CCDC144A: variants seen among roughly 807,000 people sequenced by gnomAD.
CCDC144A encodes coiled-coil domain-containing protein 144A.
Under a neutral mutation model 143.8 loss-of-function variants are expected in CCDC144A, and 41 were observed. That is an observed-to-expected ratio of 0.29 (90% CI 0.22 to 0.37). The LOEUF (loss-of-function observed/expected upper bound fraction) is 0.37, where lower values mean the gene tolerates loss of function less well. Among genes scored for constraint, CCDC144A ranks in the 10% least tolerant of loss-of-function variants. The pLI, the probability that CCDC144A is intolerant of heterozygous loss-of-function variation, is 1.00. For missense variants in CCDC144A, 637 were observed against 1,488.8 expected, an observed-to-expected ratio of 0.43 and a Z score of 9.41; for synonymous variants, 242 against 517.9, an observed-to-expected ratio of 0.47 and a Z score of 7.23.
At chr17:16,752,063 C>A (rs1164152830) in intron 12 of CCDC144A, among the ~76,000 whole-genome samples, 1 of 152,204 alleles carries the variant, frequency 6.6e-6, no homozygotes, top group Admixed American at 6.5e-5. Flanking sequence ...GGGTCCCCAA[C>A]CTCCAGGTGG....
At chr17:16,764,482 A>G in intron 15 of CCDC144A, 1 of 363,034 alleles carries the variant, frequency 2.8e-6, no homozygotes, top group South Asian at 2.8e-5. Flanking sequence ...TTGTCTTACT[A>G]ATTGATTTTA....
At chr17:16,688,474 T>C (rs1910861180), upstream of CCDC144A, among the ~76,000 whole-genome samples, 1 of 146,164 alleles carries the variant, frequency 6.8e-6, no homozygotes, top group Non-Finnish European at 1.5e-5. Context: ...GATACTTTTT[T>C]TCTTTTTCTG....
chr17:16,773,796 T>G lies in CCDC144A; in HGVS notation c.*163T>G. ...GTTTCTTGGCCTCTTCAGCTAACTT[T>G]TAAGTGGATTTTGCAAATGAAAACC... On this transcript the variant is annotated 3_prime_UTR_variant, in exon 17 of 17. Coordinates refer to ENST00000399273, the MANE Select transcript of CCDC144A (RefSeq NM_001382000.1). 1.4e-6 allele frequency: 1 copy of G among 726,834 alleles called. No homozygotes were observed. The highest frequency in any genetic ancestry group is 1.9e-5 in the African/African-American group (1 of 52,354). The allele number at this position is 726,834 out of a possible 1,614,324, so 45.0% of individuals were successfully genotyped here. A position where few individuals can be genotyped will look rare whatever the true frequency, so the allele number is the denominator to read the frequency against.
chr17:16,674,691 G>A, the CCDC144A span, among the ~76,000 whole-genome samples: 2 of 151,988 alleles, frequency 1.3e-5, no homozygotes, highest in Non-Finnish European at 2.9e-5. Flanking sequence ...ATAAACCACA[G>A]AACCAAAACA....
At chr17:16,753,215 G>GTT (rs1914880955) in intron 12 of CCDC144A, among the ~76,000 whole-genome samples, 1 of 147,524 alleles carries the variant, frequency 6.8e-6, no homozygotes, top group African/African-American at 2.5e-5. Context: ...TGATATTTTG[G>GTT]TTTCTCTCTC....
intron 2 of CCDC144A, among the ~76,000 whole-genome samples, chr17:16,693,326 G>GTT (rs369849541): frequency 0.011 from 1,641 of 144,162 alleles, 27 homozygotes; most frequent in African/African-American, 0.038. Flanking sequence ...GTTTTTTTTT[G>GTT]TTTTTTTTTT....
intron 12 of CCDC144A, chr17:16,745,953 C>G: frequency 6.2e-7 from 1 of 1,606,252 alleles, no homozygotes. Flanking sequence ...GTGGTGAGCT[C>G]TGTGCCTCCT....
At chr17:16,711,562 G>T in intron 5 of CCDC144A, 117 bp from the exon 6 acceptor site, 2 of 1,507,462 alleles carry the variant, frequency 1.3e-6, no homozygotes, top group Non-Finnish European at 9.0e-7. Flanking sequence ...ATATTTTAAT[G>T]ACTGAAATTA....
At position 16,722,194 on chromosome 17, in the gene CCDC144A, A is replaced by G. The variant is rs552175002; in HGVS notation, c.1891+1536A>G. On this transcript the variant is annotated intron_variant, in intron 8 of 16. Transcript: ENST00000399273. ...TTATCAAATGCCTCTATCTACTGAGATGATCATATGGTTCTTTTAGTTTTT... is the reference window on the plus strand; with the variant it reads ...TTATCAAATGCCTCTATCTACTGAGGTGATCATATGGTTCTTTTAGTTTTT... Among the ~76,000 whole-genome samples, 156 of 152,120 alleles carry G rather than the reference A, an allele frequency of 1.0e-3. 1 individual carries two copies. Among genetic ancestry groups the G allele is most frequent in the African/African-American group, 3.7e-3 (155 of 41,474 alleles).
At chr17:16,729,876 A>C (rs1913639735) in intron 9 of CCDC144A, among the ~76,000 whole-genome samples, 1 of 146,736 alleles carries the variant, frequency 6.8e-6, no homozygotes, top group Admixed American at 6.8e-5. Context: ...AAATATATAT[A>C]TATATATGAA....
rs11335262 is a variant in CCDC144A at position 16,734,141 on chromosome 17, G to GA, written c.2419-532dup. ...AGTGATGGAGTGGAGACCCTATCTC[G>GA]AAAAAAAAAAAAAAAAAGCCTAATA... is the stretch of plus-strand genomic sequence containing the variant. On this transcript the variant is annotated intron_variant, in intron 11 of 16. Transcript: ENST00000399273. Among the ~76,000 whole-genome samples, 632 of 90,168 alleles carry GA rather than the reference G, an allele frequency of 7.0e-3. 2 individuals carry two copies. Among genetic ancestry groups the GA allele is most frequent in the African/African-American group, 0.014 (381 of 26,652 alleles). The allele number at this position is 90,168 out of a possible 152,430, so 59.2% of individuals were successfully genotyped here.
At chr17:16,769,758 ACTAT>A (rs1389553709) in intron 15 of CCDC144A, among the ~76,000 whole-genome samples, 1 of 150,952 alleles carries the variant, frequency 6.6e-6, no homozygotes, top group Non-Finnish European at 1.5e-5. Context: ...TTGGAGAGCT[ACTAT>A]TTTTTGTCTC....
At chr17:16,745,706 C>T in intron 12 of CCDC144A, 1 of 1,614,074 alleles carries the variant, frequency 6.2e-7, no homozygotes, top group African/African-American at 1.3e-5. Context: ...TTCCGCCACA[C>T]TCTCGCGCTC....
intron 2 of CCDC144A, among the ~76,000 whole-genome samples, chr17:16,695,008 T>C (rs1378215804): frequency 2.6e-5 from 4 of 152,238 alleles, no homozygotes; most frequent in African/African-American, 4.8e-5. Flanking sequence ...GCCTAATGCA[T>C]TGGACAATCT....
Position 16,690,707 on chromosome 17 carries a change from G to A in CCDC144A, c.307G>A (p.Gly103Arg), listed in dbSNP as rs763859089. 49 of 1,612,736 alleles carry A rather than the reference G, an allele frequency of 3.0e-5. 1 individual carries two copies. Among genetic ancestry groups the A allele is most frequent in the Non-Finnish European group, 4.1e-5 (48 of 1,179,038 alleles). ...VPGVEHILAP[G>R]DTGVDKRDRK... ...TGGGGTGGAGCACATCTTAGCTCCT[G>A]GAGACACTGGCGTGGACAAGAGGGA... The change falls in exon 1 of 17, where the codon GGA becomes AGA. Residue 103 changes from glycine to arginine, a missense_variant. Coordinates refer to ENST00000399273, the MANE Select transcript of CCDC144A (RefSeq NM_001382000.1).
At chr17:16,705,660 T>C (rs1912007924) in intron 3 of CCDC144A, 2 of 429,230 alleles carry the variant, frequency 4.7e-6, no homozygotes, top group Admixed American at 7.2e-5. Context: ...TAAGTATGTT[T>C]AGGGACTAAC....
the CCDC144A span, among the ~76,000 whole-genome samples, chr17:16,680,485 T>A: frequency 1.3e-5 from 2 of 151,062 alleles, no homozygotes; most frequent in Non-Finnish European, 3.0e-5. Flanking sequence ...TTAAAAAAAA[T>A]TTAAGTGAGT....
At chr17:16,744,179 T>C (rs1468139976) in intron 12 of CCDC144A, among the ~76,000 whole-genome samples, 3 of 152,212 alleles carry the variant, frequency 2.0e-5, no homozygotes, top group Non-Finnish European at 1.5e-5. Flanking sequence ...AATGATTTTT[T>C]GGTGGTGAGA....
At chr17:16,707,348 C>G (rs1445805493) in intron 3 of CCDC144A, 121 bp from the exon 4 acceptor site, 5 of 606,672 alleles carry the variant, frequency 8.2e-6, no homozygotes, top group Non-Finnish European at 1.4e-5. Flanking sequence ...AAAGATCAAG[C>G]TTCATTTAAA....
Sources: gnomAD v4.1 joint callset for allele counts (sites outside exome capture counted in the v4.1 genomes callset) on GRCh38, gnomAD v4.1.1 for gene constraint, MANE v1.5 for transcripts, NCBI Gene and HGNC (gene_info 2026-07-23, HGNC 2026-07-21) for gene names.